NKTR: variants seen among roughly 807,000 people sequenced by gnomAD.
NKTR encodes the protein natural killer cell triggering receptor.
NKTR carries 67 observed loss-of-function variants against 156.3 expected under a neutral mutation model. The ratio of observed to expected loss-of-function variants is 0.43; its 90% CI spans 0.35 to 0.53. The LOEUF is 0.53. Among genes scored for constraint, NKTR ranks in the 20% least tolerant of loss-of-function variants. The pLI, the probability that NKTR is intolerant of heterozygous loss-of-function variation, is 0.01. For synonymous variants in NKTR, 640 were observed against 596.6 expected (o/e 1.07, Z -1.06); for missense variants, 1,604 against 1,730.9 (o/e 0.93, Z 1.30).
chr3:42,617,241 A>G (rs1285378242), intron 2 of NKTR, among the ~76,000 whole-genome samples: 2 of 152,194 alleles, frequency 1.3e-5, no homozygotes, highest in African/African-American at 4.8e-5. Context: ...ACAACTATTG[A>G]GAGTATTTTT....
chr3:42,612,635 C>T (rs1706950268), intron 2 of NKTR, among the ~76,000 whole-genome samples: 1 of 152,120 alleles, frequency 6.6e-6, no homozygotes, highest in Admixed American at 6.5e-5. Context: ...ACTTATATCT[C>T]AGGGATATGT....
chr3:42,632,061 C>CTTTTTTTTTTT (rs564114469), intron 8 of NKTR, among the ~76,000 whole-genome samples: 2 of 86,496 alleles, frequency 2.3e-5, no homozygotes, highest in Non-Finnish European at 4.2e-5. Flanking sequence ...TTATGCAATT[C>CTTTTTTTTTTT]TTTTTTTTTT....
In NKTR at chr3:42,637,439, C is replaced by T. The variant is rs764142260; in HGVS notation, c.1735C>T (p.Pro579Ser). Residue 579 changes from proline to serine, a missense_variant, in exon 13 of 17, where the codon CCA (proline) becomes TCA (serine). Transcript: ENST00000232978. ...KTASQLSENK[P>S]VKTEPLRATM... ...AGCTTCTCAGTTAAGTGAAAATAAA[C>T]CAGTTAAAACAGAACCTTTAAGAGC... 1.2e-4 allele frequency: 196 copies of T among 1,612,368 alleles called. No individual in the cohort carries two copies. Among genetic ancestry groups the T allele is most frequent in the Non-Finnish European group, 1.6e-4 (191 of 1,179,572 alleles).
At position 42,600,996 on chromosome 3, in the gene NKTR, C is replaced by T. The variant is rs781311078; in HGVS notation, c.-11C>T. On this transcript the variant is annotated 5_prime_UTR_variant, in exon 2 of 17. Coordinates refer to ENST00000232978, the MANE Select transcript of NKTR (RefSeq NM_005385.4). ...CCCTCTCTCCCAGCTCTTGCCGCCA[C>T]CTCGGTCGCGATGGGGGCGCAGGAC... 1 of 1,561,020 alleles carries T rather than the reference C, an allele frequency of 6.4e-7. No individual in the cohort carries two copies. The highest frequency in any genetic ancestry group is 1.2e-5 in the South Asian group (1 of 84,202).
At chr3:42,628,994 T>TC in intron 6 of NKTR, 1 of 610,166 alleles carries the variant, frequency 1.6e-6, no homozygotes, top group Non-Finnish European at 2.1e-6. Flanking sequence ...AGAGTGAGAC[T>TC]CCATCTCAAA....
At chr3:42,621,624 A>T in intron 6 of NKTR, 108 bp downstream of exon 6, 1 of 1,120,976 alleles carries the variant, frequency 8.9e-7, no homozygotes, top group Non-Finnish European at 1.2e-6. Flanking sequence ...TGTCAGCTTT[A>T]TTTTTATTAT....
At chr3:42,633,006 TTG>T (rs1709058488) in intron 9 of NKTR, 183 bp downstream of exon 9, 3 of 1,284,092 alleles carry the variant, frequency 2.3e-6, no homozygotes, top group African/African-American at 3.1e-5. Context: ...TTTCAAAGAT[TTG>T]TGTGTTTTCA....
intron 16 of NKTR, among the ~76,000 whole-genome samples, chr3:42,645,652 C>A (rs969614225): frequency 2.0e-5 from 3 of 152,164 alleles, no homozygotes; most frequent in Non-Finnish European, 4.4e-5. Context: ...CCGTTGCACT[C>A]CAACCTGGGC....
At chr3:42,613,290 G>A (rs1227241202) in intron 2 of NKTR, among the ~76,000 whole-genome samples, 2 of 152,086 alleles carry the variant, frequency 1.3e-5, no homozygotes, top group Admixed American at 6.5e-5. Flanking sequence ...ACAGTATATA[G>A]TACTGTTGGA....
chr3:42,639,840 A>G (rs997759409), intron 13 of NKTR, 90 bp downstream of exon 13: 21 of 904,224 alleles, frequency 2.3e-5, no homozygotes, highest in Non-Finnish European at 3.3e-5. Context: ...CAGAATCACT[A>G]TTTCCAAATA....
At chr3:42,619,430 A>G in intron 4 of NKTR, 1 of 1,342,400 alleles carries the variant, frequency 7.4e-7, no homozygotes, top group Non-Finnish European at 9.6e-7. Context: ...TTTTGGTGTT[A>G]TTACTGTTTG....
chr3:42,621,953 G>T (rs1707942754), intron 6 of NKTR, among the ~76,000 whole-genome samples: 1 of 151,906 alleles, frequency 6.6e-6, no homozygotes, highest in African/African-American at 2.4e-5. Context: ...TCCTCTTACT[G>T]TTGCTCTTTG....
intron 15 of NKTR, 92 bp downstream of exon 15, chr3:42,643,487 A>C: frequency 9.8e-7 from 1 of 1,017,196 alleles, no homozygotes; most frequent in South Asian, 1.3e-5. Context: ...TTATTGAGTA[A>C]CTAAATGCAT....
In NKTR at chr3:42,630,469, G is replaced by A. The variant is rs543162298; in HGVS notation, c.375-77G>A. 5.6e-6 allele frequency: 9 copies of A among 1,597,468 alleles called. No individual in the cohort carries two copies. The South Asian group carries it at 8.0e-5, about 14-fold the overall frequency. The stretch of plus-strand genomic sequence containing the variant: ...TTTACTTCTTTGTTCTCTACATGCT[G>A]TGTTTAAACCTTTCTGCTCTCTTCA... On this transcript the variant is annotated intron_variant, in intron 6 of 16. Coordinates refer to ENST00000232978, the MANE Select transcript of NKTR (RefSeq NM_005385.4).
At position 42,600,977 on chromosome 3, in the gene NKTR, C is replaced by G; in HGVS notation, c.-23-7C>G. 6.5e-7 allele frequency: 1 copy of G among 1,529,766 alleles called. No individual in the cohort carries two copies. The highest frequency in any genetic ancestry group is 8.8e-7 in the Non-Finnish European group (1 of 1,137,824). The allele number at this position is 1,529,766 out of a possible 1,614,324, so 94.8% of individuals were successfully genotyped here. A position where few individuals can be genotyped will look rare whatever the true frequency, so the allele number is the denominator to read the frequency against. On this transcript the variant is annotated splice_polypyrimidine_tract_variant and splice_region_variant and intron_variant, in intron 1 of 16. Coordinates refer to ENST00000232978, the MANE Select transcript of NKTR (RefSeq NM_005385.4). ...GCCCTGACCGCTTTTCTCCCCCTCTCTCCCAGCTCTTGCCGCCACCTCGGT... is the reference window on the plus strand; with the variant it reads ...GCCCTGACCGCTTTTCTCCCCCTCTGTCCCAGCTCTTGCCGCCACCTCGGT...
intron 6 of NKTR, among the ~76,000 whole-genome samples, chr3:42,625,608 C>T (rs144400090): frequency 2.0e-5 from 3 of 152,150 alleles, no homozygotes; most frequent in Admixed American, 6.6e-5. Context: ...AAACTAGATT[C>T]GGGGTAGAAA....
chr3:42,642,834 T>C (rs1208063251), intron 14 of NKTR, among the ~76,000 whole-genome samples: 1 of 152,216 alleles, frequency 6.6e-6, no homozygotes, highest in Non-Finnish European at 1.5e-5. Flanking sequence ...CCTTGACCCC[T>C]ACCTCCACCT....
chr3:42,635,130 A>G (rs921443572), intron 11 of NKTR, 91 bp from the exon 12 acceptor site: 2 of 860,502 alleles, frequency 2.3e-6, no homozygotes, highest in African/African-American at 3.5e-5. Flanking sequence ...TGATGGGATG[A>G]TCTGAGATTG....
rs1011267419 is a variant in NKTR, at chr3:42,630,904, C to T, written c.405-267C>T. 6.6e-6 allele frequency: 9 copies of T among 1,364,580 alleles called. No homozygotes were observed. The East Asian group carries it at 8.2e-5, about 12-fold the overall frequency. 84.5% of individuals were successfully genotyped at this position (1,364,580 alleles called of 1,614,324 possible). On this transcript the variant is annotated intron_variant, in intron 7 of 16. Transcript: ENST00000232978. Reference sequence around the variant, plus strand: ...GTAAGGAAGGTTCCCAAGTACCAAGCGAAATCTGAATGTTACCAGACTCTT... The same window carrying T: ...GTAAGGAAGGTTCCCAAGTACCAAGTGAAATCTGAATGTTACCAGACTCTT...
Sources: allele counts gnomAD v4.1 joint callset (sites outside exome capture counted in the v4.1 genomes callset), GRCh38; gene constraint gnomAD v4.1.1; transcripts MANE v1.5; gene names NCBI Gene and HGNC (gene_info 2026-07-23, HGNC 2026-07-21).